SCUBE2: variants seen among roughly 807,000 people sequenced by gnomAD.
The protein encoded by SCUBE2 is signal peptide, CUB domain and EGF like domain containing 2, also known as signal peptide, CUB and EGF-like domain-containing protein 2.
A neutral mutation model predicts 125.9 loss-of-function variants in SCUBE2; 114 were observed. That is an observed-to-expected ratio of 0.91 (90% confidence interval 0.78 to 1.06). The LOEUF is 1.06. SCUBE2 is among the 50% of genes least tolerant of loss of function. The pLI, the probability that SCUBE2 is intolerant of heterozygous loss-of-function variation, is 0.00. For synonymous variants in SCUBE2, 459 were observed against 492.9 expected (o/e 0.93, Z 0.91); for missense variants, 1,255 against 1,301.8 (o/e 0.96, Z 0.55).
intron 10 of SCUBE2, 126 bp from the exon 11 acceptor site, chr11:9,053,885 G>C: frequency 8.3e-7 from 1 of 1,205,914 alleles, no homozygotes; most frequent in Non-Finnish European, 1.2e-6. Flanking sequence ...GGAAGACACT[G>C]AATGCCTTTA....
chr11:9,030,895 T>C lies in SCUBE2; in HGVS notation c.2204A>G (p.Asp735Gly), dbSNP rs1483208021. Reference sequence around the variant, plus strand: ...ACAGAGCTGGCAAGGTGCAAAGCCATCTGCAGAATATTCACCAGGTTGACA... The same window carrying C: ...ACAGAGCTGGCAAGGTGCAAAGCCACCTGCAGAATATTCACCAGGTTGACA... ...GLCQPGEYSA[D>G]GFAPCQLCAL... The change falls in exon 18 of 23, where the codon GAT becomes GGT. Residue 735 changes from aspartate to glycine, a missense_variant. By Grantham distance (94) the Asp-to-Gly change is moderately conservative (BLOSUM62 -1). This residue lies in a region of SCUBE2 where 515 missense variants were observed against 515.7 expected (regional missense o/e 1.00). Transcript: ENST00000649792. 1 of 1,613,930 alleles carries C rather than the reference T, an allele frequency of 6.2e-7. No homozygotes were observed. Among genetic ancestry groups the C allele is most frequent in the East Asian group, 2.2e-5 (1 of 44,888 alleles).
chr11:9,088,245 C>T (rs1032789834), intron 2 of SCUBE2, among the ~76,000 whole-genome samples: 5 of 152,196 alleles, frequency 3.3e-5, no homozygotes, highest in Admixed American at 6.5e-5. Context: ...CCCAACACTT[C>T]GGGAGGCCGA....
At chr11:9,077,923 C>T (rs1861331309) in intron 3 of SCUBE2, among the ~76,000 whole-genome samples, 1 of 152,240 alleles carries the variant, frequency 6.6e-6, no homozygotes, top group Non-Finnish European at 1.5e-5. Flanking sequence ...AGCCCTGGCC[C>T]AGGTTCCTAG....
chr11:9,022,379 C>A (rs1421344890), intron 21 of SCUBE2, among the ~76,000 whole-genome samples: 4 of 152,146 alleles, frequency 2.6e-5, no homozygotes, highest in Non-Finnish European at 5.9e-5. Context: ...CTCCCTTGAC[C>A]TCATTTCTCC....
At chr11:9,076,574 G>A (rs1186464118) in intron 3 of SCUBE2, among the ~76,000 whole-genome samples, 1 of 150,202 alleles carries the variant, frequency 6.7e-6, no homozygotes, top group Non-Finnish European at 1.5e-5. Context: ...GAAACTTCCA[G>A]AGAAGTTTCA....
intron 11 of SCUBE2, 37 bp downstream of exon 11, chr11:9,053,600 A>G (rs1344083279): frequency 6.2e-7 from 1 of 1,608,334 alleles, no homozygotes; most frequent in Non-Finnish European, 8.5e-7. Flanking sequence ...GCCAGTGGCC[A>G]GCCTGCTGTC....
intron 4 of SCUBE2, among the ~76,000 whole-genome samples, 165 bp from the exon 5 acceptor site, chr11:9,069,660 A>G (rs188710946): frequency 1.3e-5 from 2 of 152,312 alleles, no homozygotes; most frequent in East Asian, 3.9e-4. Context: ...AGGCCAATTA[A>G]TAGACATGAA....
chr11:9,073,347 A>G (rs1860962667), intron 4 of SCUBE2, among the ~76,000 whole-genome samples: 1 of 152,204 alleles, frequency 6.6e-6, no homozygotes, highest in African/African-American at 2.4e-5. Flanking sequence ...TCCCCGCCCC[A>G]AACGCTGAGA....
At chr11:9,075,971 C>T (rs1172146797) in intron 3 of SCUBE2, among the ~76,000 whole-genome samples, 1 of 152,146 alleles carries the variant, frequency 6.6e-6, no homozygotes, top group Non-Finnish European at 1.5e-5. Context: ...ATATGGTTGC[C>T]CCTGACCCCC....
At chr11:9,051,088 A>AGGAG (rs1223650127) in intron 13 of SCUBE2, among the ~76,000 whole-genome samples, 1 of 152,126 alleles carries the variant, frequency 6.6e-6, no homozygotes, top group African/African-American at 2.4e-5. Context: ...GCTTGAACCC[A>AGGAG]GGAGGCAGAG....
chr11:9,084,314 G>A (rs1188460665), intron 2 of SCUBE2, among the ~76,000 whole-genome samples: 2 of 152,090 alleles, frequency 1.3e-5, no homozygotes, highest in Admixed American at 1.3e-4. Context: ...AAATAAGTGG[G>A]GACGAGGGAG....
chr11:9,043,427 A>G (rs954053898), intron 16 of SCUBE2, among the ~76,000 whole-genome samples: 2 of 152,098 alleles, frequency 1.3e-5, no homozygotes, highest in African/African-American at 4.8e-5. Flanking sequence ...GAAGTACTAC[A>G]GAGCTTAAGA....
chr11:9,075,929 G>A (rs1327672530), intron 3 of SCUBE2, among the ~76,000 whole-genome samples: 1 of 152,190 alleles, frequency 6.6e-6, no homozygotes, highest in Non-Finnish European at 1.5e-5. Flanking sequence ...ACACATGGAA[G>A]GCCAGTGCTG....
chr11:9,057,091 C>T (rs556832667), intron 9 of SCUBE2: 2 of 152,186 alleles, frequency 1.3e-5, no homozygotes, highest in Non-Finnish European at 2.9e-5. Flanking sequence ...GGAATTGATG[C>T]CATTTTATGA....
intron 13 of SCUBE2, 88 bp downstream of exon 13, chr11:9,052,658 A>G (rs1858535939): frequency 3.0e-6 from 3 of 997,850 alleles, no homozygotes; most frequent in Non-Finnish European, 4.4e-6. Flanking sequence ...GAAAAAAAAC[A>G]AAGCCAATGT....
intron 7 of SCUBE2, among the ~76,000 whole-genome samples, chr11:9,064,087 G>A (rs1177253563): frequency 6.6e-6 from 1 of 152,136 alleles, no homozygotes; most frequent in Non-Finnish European, 1.5e-5. Context: ...GTGTGTGTGT[G>A]TATTGCGGGG....
In SCUBE2 at chr11:9,053,104, G is replaced by A. The variant is rs149745899; in HGVS notation, c.1442C>T (p.Ser481Phe). 3.7e-4 allele frequency: 599 copies of A among 1,612,434 alleles called. 1 individual carries two copies. Among genetic ancestry groups the A allele is most frequent in the Non-Finnish European group, 4.8e-4 (567 of 1,178,544 alleles). The change falls in exon 12 of 23, where the codon TCT becomes TTT. Residue 481 changes from serine (S) to phenylalanine (F), a missense_variant. By Grantham distance (155) the Ser-to-Phe change is radical (BLOSUM62 -2). This residue lies in a region of SCUBE2 where 378 missense variants were observed against 463.1 expected (regional missense o/e 0.82). Transcript: ENST00000649792. ...GGGAACTGGGCCCCACTCACCTGAA[G>A]AGAGGTGAATGCCAGAGTGACATCT... is the stretch of plus-strand genomic sequence containing the variant. ...FLRCHSGIHL[S>F]SGLQGAYSVT...
intron 10 of SCUBE2, among the ~76,000 whole-genome samples, chr11:9,054,725 A>ATATATATATATATATATTT (rs1368153935): frequency 9.0e-5 from 2 of 22,346 alleles, no homozygotes; most frequent in African/African-American, 2.1e-4. Context: ...ATATATATAT[A>ATATATATATATATATATTT]TTTTTTTTTT....
In SCUBE2 at chr11:9,053,226, C is replaced by A; in HGVS notation, c.1331-11G>T. On this transcript the variant is annotated splice_polypyrimidine_tract_variant and intron_variant, in intron 11 of 22. Coordinates refer to ENST00000649792, the MANE Select transcript of SCUBE2 (RefSeq NM_001367977.2). ...GGAGCCCCTTCACTTCTAGACAGGA[C>A]AAAACAGACACTTACAGAAAGAGAA... The A allele has an allele frequency of 6.2e-7, 1 of 1,600,508 alleles. No homozygotes were observed. Among genetic ancestry groups the A allele is most frequent in the Non-Finnish European group, 8.6e-7 (1 of 1,167,666 alleles).
Sources: gnomAD v4.1 joint callset for allele counts (sites outside exome capture counted in the v4.1 genomes callset) on GRCh38, gnomAD v4.1.1 for gene constraint, gnomAD v4.1.1 regional missense constraint, MANE v1.5 for transcripts, NCBI Gene and HGNC (gene_info 2026-07-23, HGNC 2026-07-21) for gene names.